The following HTRA3 variants were observed in gnomAD, a reference collection of about 807,000 sequenced individuals.
The protein encoded by HTRA3 is serine protease HTRA3.
Under a neutral mutation model 43.2 loss-of-function variants are expected in HTRA3, and 41 were observed. That is an observed-to-expected ratio of 0.95 (90% CI 0.74 to 1.23). HTRA3 has a LOEUF of 1.23. Ranked by LOEUF, HTRA3 falls within the 50% of genes most tolerant of loss-of-function variation. The pLI is 0.00. For missense variants in HTRA3, 628 were observed against 647.1 expected (o/e 0.97, Z 0.32); for synonymous variants, 295 against 287.9 (o/e 1.02, Z -0.25).
chr4:8,271,521 G>A (rs956798698), intron 1 of HTRA3, among the ~76,000 whole-genome samples: 3 of 152,208 alleles, frequency 2.0e-5, no homozygotes, highest in African/African-American at 4.8e-5. Context: ...AAGAGCCACC[G>A]CAGGGTTTGG....
chr4:8,302,818 G>A (rs1256666607), intron 7 of HTRA3, among the ~76,000 whole-genome samples: 1 of 152,244 alleles, frequency 6.6e-6, no homozygotes. Context: ...TCGGGGATCT[G>A]AAGTCAAGGG....
chr4:8,306,400 A>C lies in HTRA3; in HGVS notation c.*264A>C. 1 of 383,278 alleles carries C rather than the reference A, an allele frequency of 2.6e-6. No individual in the cohort carries two copies. Among genetic ancestry groups the C allele is most frequent in the Non-Finnish European group, 4.7e-6 (1 of 212,034 alleles). The allele number at this position is 383,278 out of a possible 1,614,324, so 23.7% of individuals were successfully genotyped here. ...TGAAAGTCACTTCCAAGTTCTCCGG[A>C]TATTCACAAAACTGCCTTCCATGGA... On this transcript the variant is annotated 3_prime_UTR_variant, in exon 9 of 9. Transcript: ENST00000307358. This position sits in a 1 kb window ranked among gnomAD's most constrained non-coding sequence, Gnocchi z 8.9.
At chr4:8,301,186 TTTA>T (rs201017582) in intron 6 of HTRA3, among the ~76,000 whole-genome samples, 2,375 of 152,030 alleles carry the variant, frequency 0.016, 35 homozygotes, top group Middle Eastern at 0.059. Flanking sequence ...CACACTCATC[TTTA>T]TTGATTCACA....
chr4:8,282,745 G>A (rs1193208029), intron 2 of HTRA3, among the ~76,000 whole-genome samples: 2 of 152,232 alleles, frequency 1.3e-5, no homozygotes, highest in African/African-American at 2.4e-5. Flanking sequence ...ACCTGCTGGA[G>A]CTGTAGGCAC....
chr4:8,303,958 ACT>A (rs1396038394), intron 7 of HTRA3, among the ~76,000 whole-genome samples: 1 of 150,516 alleles, frequency 6.6e-6, no homozygotes, highest in African/African-American at 2.5e-5. Context: ...CTGTCTACCC[ACT>A]CTCTCTCCTC....
chr4:8,300,783 TCTTTATTATTGATTCACACTCTCAG>T (rs1459212624), intron 6 of HTRA3, among the ~76,000 whole-genome samples: 30 of 152,204 alleles, frequency 2.0e-4, no homozygotes, highest in Middle Eastern at 3.4e-3. Flanking sequence ...TTCACACTCA[TCTTTATTATTGATTCACACTCTCAG>T]CTTTATTATT....
intron 7 of HTRA3, among the ~76,000 whole-genome samples, chr4:8,303,150 G>C (rs1353978280): frequency 6.6e-6 from 1 of 152,186 alleles, no homozygotes; most frequent in Non-Finnish European, 1.5e-5. Context: ...CACGAATTTG[G>C]GGGAACACCA....
intron 1 of HTRA3, among the ~76,000 whole-genome samples, chr4:8,271,549 C>T (rs753936479): frequency 5.3e-5 from 8 of 152,136 alleles, no homozygotes; most frequent in Admixed American, 1.3e-4. Context: ...TCCCAGTCCA[C>T]CTTGTGCTGG....
intron 6 of HTRA3, among the ~76,000 whole-genome samples, chr4:8,301,551 TTTTAA>T (rs1560143683): frequency 1.3e-5 from 2 of 152,202 alleles, no homozygotes; most frequent in African/African-American, 4.8e-5. Flanking sequence ...TGATTCAGAC[TTTTAA>T]TTATTTTTTT....
At chr4:8,278,664 G>T (rs1712625073) in intron 1 of HTRA3, among the ~76,000 whole-genome samples, 3 of 152,162 alleles carry the variant, frequency 2.0e-5, no homozygotes, top group African/African-American at 7.2e-5. Flanking sequence ...ACCCACCGAG[G>T]TCCGCTTAAA....
At chr4:8,293,648 G>A (rs890616483) in intron 5 of HTRA3, among the ~76,000 whole-genome samples, 2 of 152,110 alleles carry the variant, frequency 1.3e-5, no homozygotes, top group African/African-American at 4.8e-5. Context: ...AGAGGGATGG[G>A]GGGGTCAAGG....
chr4:8,294,297 G>C, intron 6 of HTRA3, 96 bp downstream of exon 6: 1 of 867,992 alleles, frequency 1.2e-6, no homozygotes, highest in East Asian at 2.7e-5. Flanking sequence ...GCCCACCGGA[G>C]GTGCTGGGTG....
chr4:8,300,414 T>C (rs572922860), intron 6 of HTRA3, among the ~76,000 whole-genome samples: 25 of 152,368 alleles, frequency 1.6e-4, no homozygotes, highest in African/African-American at 5.5e-4. Flanking sequence ...ATTTCTTTAA[T>C]AGATGTAGTG....
intron 6 of HTRA3, among the ~76,000 whole-genome samples, chr4:8,301,155 A>G (rs1713639621): frequency 3.6e-5 from 1 of 27,862 alleles, no homozygotes; most frequent in Non-Finnish European, 7.3e-5. Context: ...CACACTCTTT[A>G]TTGACTCACA....
intron 5 of HTRA3, among the ~76,000 whole-genome samples, chr4:8,292,818 C>T (rs1002343813): frequency 6.6e-6 from 1 of 152,096 alleles, no homozygotes; most frequent in Admixed American, 6.5e-5. Context: ...CCTGAAGGAT[C>T]GGACGGTCCC....
chr4:8,270,730 GC>G (rs761876188), intron 1 of HTRA3, among the ~76,000 whole-genome samples: 105 of 152,322 alleles, frequency 6.9e-4, no homozygotes, highest in Non-Finnish European at 1.1e-3. Flanking sequence ...TAACTCTCCA[GC>G]CGGGGTGCCC....
chr4:8,283,183 G>C (rs1712825433), intron 2 of HTRA3, among the ~76,000 whole-genome samples: 4 of 152,188 alleles, frequency 2.6e-5, no homozygotes, highest in Admixed American at 2.6e-4. Context: ...GTGAGGGAGG[G>C]AATGAGTGAG....
intron 3 of HTRA3, among the ~76,000 whole-genome samples, chr4:8,288,340 C>T (rs917351726): frequency 1.3e-5 from 2 of 152,182 alleles, no homozygotes; most frequent in Non-Finnish European, 2.9e-5. Flanking sequence ...ATGGCGTCAT[C>T]TCGGCTCACC....
At position 8,294,092 on chromosome 4, in the gene HTRA3, C is replaced by G; in HGVS notation, c.942C>G (p.Gly314=). 6.2e-7 allele frequency: 1 copy of G among 1,607,030 alleles called. No homozygotes were observed. The highest frequency in any genetic ancestry group is 8.5e-7 in the Non-Finnish European group (1 of 1,176,384). ...NSGGPLVNLD[G]EVIGINTLKV... is the part of the protein sequence containing the mutation. ...GCTCTTACCTCCCTGCCCAGGATGG[C>G]GAGGTCATTGGCATCAACACGCTCA... is the stretch of plus-strand genomic sequence containing the variant. The change falls in exon 6 of 9, where the codon GGC becomes GGG. Residue 314 remains glycine, a synonymous_variant. Coordinates refer to ENST00000307358, the MANE Select transcript of HTRA3 (RefSeq NM_053044.5).
Sources: gnomAD v4.1 joint callset for allele counts (sites outside exome capture counted in the v4.1 genomes callset) on GRCh38, gnomAD v4.1.1 for gene constraint, Gnocchi (gnomAD v3.1) non-coding constraint, MANE v1.5 for transcripts, NCBI Gene and HGNC (gene_info 2026-07-23, HGNC 2026-07-21) for gene names.